HDAC9: variants seen among roughly 807,000 people sequenced by gnomAD.
HDAC9 encodes the protein histone deacetylase 9.
HDAC9 carries 41 observed loss-of-function variants against 139.4 expected under a neutral mutation model. That is an observed-to-expected ratio of 0.29 (90% CI 0.23 to 0.38). HDAC9 has a LOEUF of 0.38. Among genes scored for constraint, HDAC9 ranks in the 10% least tolerant of loss-of-function variants. HDAC9 has a pLI of 1.00. For missense variants in HDAC9, 1,147 were observed against 1,297.0 expected, an observed-to-expected ratio of 0.88 and a Z score of 1.78; for synonymous variants, 517 against 476.2, an observed-to-expected ratio of 1.09 and a Z score of -1.12.
chr7:18,897,325 A>T (rs1158416271), intron 22 of HDAC9, among the ~76,000 whole-genome samples: 2 of 152,020 alleles, frequency 1.3e-5, no homozygotes, highest in Non-Finnish European at 2.9e-5. Context: ...TCGCTTATTG[A>T]ATAATTCTCG....
At chr7:18,615,379 A>G (rs958871039) in intron 6 of HDAC9, among the ~76,000 whole-genome samples, 1 of 152,198 alleles carries the variant, frequency 6.6e-6, no homozygotes, top group South Asian at 2.1e-4. Context: ...ACAGCAACAA[A>G]AAAAGGGAAA....
At chr7:18,876,163 G>T (rs1327396855) in intron 22 of HDAC9, among the ~76,000 whole-genome samples, 1 of 152,134 alleles carries the variant, frequency 6.6e-6, no homozygotes, top group Non-Finnish European at 1.5e-5. Context: ...TTGGCCATTA[G>T]GTATAGGAGA....
intron 12 of HDAC9, among the ~76,000 whole-genome samples, chr7:18,674,187 C>G (rs1795828361): frequency 6.6e-6 from 1 of 151,992 alleles, no homozygotes; most frequent in African/African-American, 2.4e-5. Flanking sequence ...TTTGCTTTCT[C>G]CAGCTACTAG....
At chr7:18,180,273 A>ACACC (rs1789316188) in intron 2 of HDAC9, among the ~76,000 whole-genome samples, 2 of 139,378 alleles carry the variant, frequency 1.4e-5, no homozygotes, top group African/African-American at 2.6e-5. Context: ...ACACACACAC[A>ACACC]CCACATTCTT....
At chr7:18,378,370 T>C (rs1785162105) in intron 1 of HDAC9, among the ~76,000 whole-genome samples, 1 of 152,028 alleles carries the variant, frequency 6.6e-6, no homozygotes, top group Non-Finnish European at 1.5e-5. Context: ...AGTTTATTTT[T>C]AATAAATTAT....
chr7:18,682,586 A>G (rs1239335124), intron 12 of HDAC9, among the ~76,000 whole-genome samples: 2 of 152,098 alleles, frequency 1.3e-5, no homozygotes, highest in Admixed American at 6.6e-5. Context: ...AAATATAGCC[A>G]TGGCAGAAAT....
At position 18,802,731 on chromosome 7, in the gene HDAC9, T is replaced by C. The variant is rs148333837; in HGVS notation, c.2322+9279T>C. ...AAGACTATTATATGCTTATAAATCC[T>C]TTATTAATATTTAATAATTATCTTA... On this transcript the variant is annotated intron_variant, in intron 17 of 25. Transcript: ENST00000686413. Among the ~76,000 whole-genome samples the C allele has an allele frequency of 1.8e-3, 280 of 151,828 alleles. 8 individuals carry two copies. The East Asian group carries it at 0.05, about 27-fold the overall frequency.
At chr7:18,272,582 A>G (rs1172156801) in intron 2 of HDAC9, among the ~76,000 whole-genome samples, 1 of 152,186 alleles carries the variant, frequency 6.6e-6, no homozygotes, top group Non-Finnish European at 1.5e-5. Context: ...TATCGAAATA[A>G]AAGAAACCTC....
At chr7:18,136,066 T>C (rs1052971016) in intron 1 of HDAC9, among the ~76,000 whole-genome samples, 13 of 149,744 alleles carry the variant, frequency 8.7e-5, no homozygotes, top group African/African-American at 2.8e-4. Context: ...ATGATGAGCA[T>C]TTTTTCATGT....
intron 13 of HDAC9, among the ~76,000 whole-genome samples, chr7:18,732,654 T>TGTATATGTGTGCGTATGTGTATATAC (rs1786223843): frequency 1.9e-5 from 2 of 104,346 alleles, no homozygotes; most frequent in Non-Finnish European, 3.6e-5. Flanking sequence ...TGTGTATATA[T>TGTATATGTGTGCGTATGTGTATATAC]ACACACACAC....
chr7:18,448,240 A>G (rs1792477493), intron 1 of HDAC9, among the ~76,000 whole-genome samples: 1 of 152,250 alleles, frequency 6.6e-6, no homozygotes, highest in African/African-American at 2.4e-5. Context: ...TATGTGGGAA[A>G]CACATTAAAT....
chr7:18,187,935 A>G (rs376394307), intron 2 of HDAC9, among the ~76,000 whole-genome samples: 1 of 152,236 alleles, frequency 6.6e-6, no homozygotes, highest in South Asian at 2.1e-4. Flanking sequence ...AAAATAATTC[A>G]TAGATTCAGT....
intron 2 of HDAC9, among the ~76,000 whole-genome samples, chr7:18,180,704 C>T (rs1238405602): frequency 1.3e-5 from 2 of 152,186 alleles, no homozygotes; most frequent in African/African-American, 2.4e-5. Flanking sequence ...TATCAGTTTT[C>T]TATCTTGTAT....
At chr7:18,131,782 A>C (rs111633963) in intron 1 of HDAC9, among the ~76,000 whole-genome samples, 216 of 152,294 alleles carry the variant, frequency 1.4e-3, no homozygotes, top group African/African-American at 4.9e-3. Context: ...ACACTCCCTC[A>C]TGGAGAGCAG....
At chr7:18,666,123 T>C in intron 11 of HDAC9, 90 bp from the exon 12 acceptor site, 1 of 1,300,688 alleles carries the variant, frequency 7.7e-7, no homozygotes, top group South Asian at 1.5e-5. Flanking sequence ...GAAATCACAG[T>C]GTATGAGTTA....
chr7:19,001,702 T>G lies in HDAC9; in HGVS notation c.*5640T>G, dbSNP rs1040550260. ...TCTTTCTGGGGAAGCAACGTCAGTG[T>G]CTACCTCCACAGTAACTATGATATA... On this transcript the variant is annotated 3_prime_UTR_variant, in exon 26 of 26. Transcript: ENST00000686413. 7 of 152,184 alleles carry G rather than the reference T, an allele frequency of 4.6e-5. No individual in the cohort carries two copies. Among genetic ancestry groups the G allele is most frequent in the African/African-American group, 1.7e-4 (7 of 41,544 alleles). The allele number at this position is 152,184 out of a possible 1,614,324, so 9.4% of individuals were successfully genotyped here. A position where few individuals can be genotyped will look rare whatever the true frequency, so the allele number is the denominator to read the frequency against.
intron 8 of HDAC9, among the ~76,000 whole-genome samples, chr7:18,641,731 C>T (rs1260473062): frequency 6.6e-6 from 1 of 152,028 alleles, no homozygotes; most frequent in African/African-American, 2.4e-5. Flanking sequence ...TGTCTGAAAA[C>T]ACTTGTGAGC....
At chr7:18,142,621 C>A (rs1785986856) in intron 1 of HDAC9, among the ~76,000 whole-genome samples, 1 of 152,302 alleles carries the variant, frequency 6.6e-6, no homozygotes, top group African/African-American at 2.4e-5. Context: ...ATCAGAGGGA[C>A]AACTGGTCAG....
At chr7:18,984,144 C>T (rs975308476) in intron 25 of HDAC9, among the ~76,000 whole-genome samples, 1 of 152,032 alleles carries the variant, frequency 6.6e-6, no homozygotes, top group Admixed American at 6.6e-5. Flanking sequence ...ATGTTTTCTC[C>T]TGTAAGCTCC....
Sources: gnomAD v4.1 joint callset for allele counts (sites outside exome capture counted in the v4.1 genomes callset) on GRCh38, gnomAD v4.1.1 for gene constraint, MANE v1.5 for transcripts, NCBI Gene and HGNC (gene_info 2026-07-23, HGNC 2026-07-21) for gene names.